Variants in OSBPL5 observed in about 807,000 individuals in gnomAD.
The protein encoded by OSBPL5 is oxysterol-binding protein-related protein 5.
In OSBPL5, 71 loss-of-function variants were observed where a neutral mutation model predicts 111.2. The observed-to-expected ratio is 0.64, with a 90% CI of 0.53 to 0.78. The LOEUF is 0.78. OSBPL5 is among the 30% of genes least tolerant of loss of function. The probability of loss-of-function intolerance (pLI) is 0.00; values close to 1 mark genes in which losing one functional copy is unlikely to be tolerated. For synonymous variants in OSBPL5, 549 were observed against 513.9 expected (o/e 1.07, Z -0.93); for missense variants, 1,210 against 1,189.3 (o/e 1.02, Z -0.26).
rs1857892950 is a variant in OSBPL5, at chr11:3,110,668, C to T, written c.692-2723G>A. On this transcript the variant is annotated intron_variant, in intron 7 of 21. Transcript: ENST00000263650. This position sits in a 1 kb window ranked among gnomAD's most constrained non-coding sequence, Gnocchi z 5.3. ...GCCTCCCATTCTATTCCAAGTCACC[C>T]CTCTGCTCACTGAGATAAATGCATA... is the stretch of plus-strand genomic sequence containing the variant. 6.6e-6 allele frequency among the ~76,000 whole-genome samples: 1 copy of T among 152,150 alleles called. No individual in the cohort carries two copies. The highest frequency in any genetic ancestry group is 1.5e-5 in the Non-Finnish European group (1 of 68,034).
At chr11:3,099,541 A>G (rs931769113) in intron 14 of OSBPL5, among the ~76,000 whole-genome samples, 5 of 152,226 alleles carry the variant, frequency 3.3e-5, no homozygotes, top group Non-Finnish European at 5.9e-5. Flanking sequence ...TAAAAAAGAA[A>G]GTCTGTTAAT....
chr11:3,130,185 C>G lies in OSBPL5; in HGVS notation c.-21-1016G>C, dbSNP rs190767194. 7.2e-4 allele frequency among the ~76,000 whole-genome samples: 110 copies of G among 152,364 alleles called. No individual in the cohort carries two copies. The highest frequency in any genetic ancestry group is 1.2e-3 in the Non-Finnish European group (83 of 68,038). On this transcript the variant is annotated intron_variant, in intron 1 of 21. Coordinates refer to ENST00000263650, the MANE Select transcript of OSBPL5 (RefSeq NM_020896.4). This position sits in a 1 kb window ranked among gnomAD's most constrained non-coding sequence, Gnocchi z 4.5. Reference sequence around the variant, plus strand: ...AAATCATGGCTCAGGGAGTGGAAGGCCTCGACCTGTAATCGTGACCTGACA... The same window carrying G: ...AAATCATGGCTCAGGGAGTGGAAGGGCTCGACCTGTAATCGTGACCTGACA...
rs537484470 is a variant in OSBPL5, at chr11:3,110,291, C to T, written c.692-2346G>A. 7.3e-4 allele frequency among the ~76,000 whole-genome samples: 111 copies of T among 152,324 alleles called. No individual in the cohort carries two copies. Among genetic ancestry groups the T allele is most frequent in the South Asian group, 1.9e-3 (9 of 4,822 alleles). On this transcript the variant is annotated intron_variant, in intron 7 of 21. Transcript: ENST00000263650. The surrounding 1 kb of genome is among the most constrained non-coding windows in gnomAD (Gnocchi z 5.3). ...AGGAGGTGGAGCAACCGCATTTACC[C>T]AGAGCAGCCACTGGAGGGCGAGGTG...
intron 1 of OSBPL5, among the ~76,000 whole-genome samples, chr11:3,164,707 T>A (rs539658413): frequency 6.6e-6 from 1 of 152,072 alleles, no homozygotes. Flanking sequence ...GACACAGCAG[T>A]CCTCCCAAGC....
In OSBPL5 at chr11:3,147,610, T is replaced by C. The variant is rs569763783; in HGVS notation, c.-22+17606A>G. ...AGGCGCCAAGTGCTCACGTGTCCTT[T>C]AAGCCAGGGATGGACTTCCAGAAAT... On this transcript the variant is annotated intron_variant, in intron 1 of 21. Coordinates refer to ENST00000263650, the MANE Select transcript of OSBPL5 (RefSeq NM_020896.4). Among the ~76,000 whole-genome samples the C allele has an allele frequency of 2.4e-3, 359 of 152,344 alleles. 2 individuals are homozygous for C. Among genetic ancestry groups the C allele is most frequent in the African/African-American group, 8.3e-3 (345 of 41,596 alleles).
At chr11:3,117,597 A>C (rs1191440698) in intron 7 of OSBPL5, among the ~76,000 whole-genome samples, 1 of 152,232 alleles carries the variant, frequency 6.6e-6, no homozygotes, top group Non-Finnish European at 1.5e-5. Flanking sequence ...GGAGAGAAAA[A>C]ATTATGTTTC....
intron 1 of OSBPL5, among the ~76,000 whole-genome samples, chr11:3,153,681 G>A (rs1452108910): frequency 6.6e-6 from 1 of 151,960 alleles, no homozygotes; most frequent in Non-Finnish European, 1.5e-5. Flanking sequence ...AATGAACAGG[G>A]CGGGAGGACA....
At chr11:3,148,591 C>T (rs1241878268) in intron 1 of OSBPL5, among the ~76,000 whole-genome samples, 4 of 152,236 alleles carry the variant, frequency 2.6e-5, no homozygotes, top group South Asian at 2.1e-4. Flanking sequence ...GCGGGGGCAC[C>T]GTCCTCTGCA....
chr11:3,147,602 G>A (rs1157908132), intron 1 of OSBPL5, among the ~76,000 whole-genome samples: 2 of 152,222 alleles, frequency 1.3e-5, no homozygotes, highest in Non-Finnish European at 2.9e-5. Flanking sequence ...AAGTGCTCAC[G>A]TGTCCTTTAA....
intron 14 of OSBPL5, 121 bp downstream of exon 14, chr11:3,100,037 A>T: frequency 2.6e-6 from 2 of 775,924 alleles, no homozygotes; most frequent in Non-Finnish European, 4.0e-6. Flanking sequence ...AAAAAAAAAA[A>T]GTCATGGGCA....
At position 3,093,345 on chromosome 11, in the gene OSBPL5, C is replaced by T. The variant is rs1857130367; in HGVS notation, c.1946+182G>A. ...CGGCAGCCGGCTCCTCTCCAGGCCA[C>T]ACCCCTTCCCTCCATCTGTCCTTTC... On this transcript the variant is annotated intron_variant, in intron 17 of 21. Transcript: ENST00000263650. The T allele has an allele frequency of 3.9e-6, 4 of 1,026,502 alleles. No individual in the cohort carries two copies. The East Asian group carries it at 1.0e-4, about 27-fold the overall frequency. The allele number at this position is 1,026,502 out of a possible 1,614,324, so 63.6% of individuals were successfully genotyped here.
intron 7 of OSBPL5, among the ~76,000 whole-genome samples, chr11:3,108,557 A>C (rs1857794509): frequency 1.3e-5 from 2 of 152,106 alleles, no homozygotes; most frequent in Admixed American, 1.3e-4. Context: ...GCGGTGGAGC[A>C]GGGGCTGGTC....
At position 3,103,882 on chromosome 11, in the gene OSBPL5, A is replaced by AGCCCTCTTCCTGCCTGTGCC. The variant is rs1564830868; in HGVS notation, c.1244+310_1244+311insGGCACAGGCAGGAAGAGGGC. 5.9e-4 allele frequency among the ~76,000 whole-genome samples: 9 copies of AGCCCTCTTCCTGCCTGTGCC among 15,160 alleles called. 1 individual carries two copies. The highest frequency in any genetic ancestry group is 1.8e-3 in the Admixed American group (2 of 1,134). 9.9% of individuals were successfully genotyped at this position (15,160 alleles called of 152,430 possible). A position where few individuals can be genotyped will look rare whatever the true frequency, so the allele number is the denominator to read the frequency against. Reference sequence around the variant, plus strand: ...TGCGCAGCCCCCTTCCTGCCTCTGTAGCCCCATTCCTGCCTCTGCAGCCCC... The same window carrying AGCCCTCTTCCTGCCTGTGCC: ...TGCGCAGCCCCCTTCCTGCCTCTGTAGCCCTCTTCCTGCCTGTGCCGCCCCATTCCTGCCTCTGCAGCCCC... On this transcript the variant is annotated intron_variant, in intron 10 of 21. Transcript: ENST00000263650.
Position 3,092,785 on chromosome 11 carries a change from GCCAGGAGCC to G in OSBPL5, c.2132+73_2132+81del. ...GGGACAGGCTGAAGGTGAGAGGGAA[GCCAGGAGCC>G]CCTGGGCCCTTCTCAGCCCGTCTGC... is the stretch of plus-strand genomic sequence containing the variant. On this transcript the variant is annotated intron_variant, in intron 18 of 21. Transcript: ENST00000263650. This position sits in a 1 kb window ranked among gnomAD's most constrained non-coding sequence, Gnocchi z 5.4. 1 of 1,442,250 alleles carries G rather than the reference GCCAGGAGCC, an allele frequency of 6.9e-7. No homozygotes were observed. 89.3% of individuals were successfully genotyped at this position (1,442,250 alleles called of 1,614,324 possible). A position where few individuals can be genotyped will look rare whatever the true frequency, so the allele number is the denominator to read the frequency against.
intron 7 of OSBPL5, among the ~76,000 whole-genome samples, chr11:3,112,015 A>ATGTGTGCATGTGTGTATG (rs1857975788): frequency 1.3e-5 from 1 of 79,098 alleles, no homozygotes; most frequent in Non-Finnish European, 3.1e-5. Context: ...GTGTGCGCGC[A>ATGTGTGCATGTGTGTATG]TGTGTGTGCA....
At chr11:3,103,186 G>A (rs1417015475) in intron 11 of OSBPL5, 53 bp downstream of exon 11, 9 of 1,503,122 alleles carry the variant, frequency 6.0e-6, no homozygotes, top group Admixed American at 3.9e-5. Flanking sequence ...CGAGGGCTGA[G>A]CAGACAGACT....
intron 14 of OSBPL5, 196 bp from the exon 15 acceptor site, chr11:3,094,530 TG>T: frequency 3.6e-6 from 2 of 558,540 alleles, no homozygotes; most frequent in Admixed American, 6.4e-5. Context: ...GAGAGGCTGG[TG>T]GGGGTGCGGA....
intron 1 of OSBPL5, among the ~76,000 whole-genome samples, chr11:3,158,080 C>G (rs753626010): frequency 2.0e-5 from 3 of 152,258 alleles, no homozygotes; most frequent in Non-Finnish European, 4.4e-5. Context: ...CCGAAGCGGC[C>G]TCAGCCTCAG....
chr11:3,090,816 A>T, intron 19 of OSBPL5, 120 bp from the exon 20 acceptor site: 1 of 1,334,162 alleles, frequency 7.5e-7, no homozygotes, highest in Non-Finnish European at 1.0e-6. Context: ...CAGGGAGGGC[A>T]GCTGCTGGGC....
Sources: gnomAD v4.1 joint callset for allele counts (sites outside exome capture counted in the v4.1 genomes callset) on GRCh38, gnomAD v4.1.1 for gene constraint, Gnocchi (gnomAD v3.1) non-coding constraint, MANE v1.5 for transcripts, NCBI Gene and HGNC (gene_info 2026-07-23, HGNC 2026-07-21) for gene names.